TMEM200A: variants seen among roughly 807,000 people sequenced by gnomAD.
TMEM200A encodes two transmembrane C.
In TMEM200A, 12 loss-of-function variants were observed where a neutral mutation model predicts 24.3. That is an observed-to-expected ratio of 0.49 (90% confidence interval 0.32 to 0.80). The LOEUF is 0.80. Among genes scored for constraint, TMEM200A ranks in the 30% least tolerant of loss-of-function variants. The probability of loss-of-function intolerance (pLI) is 0.04; values close to 1 mark genes in which losing one functional copy is unlikely to be tolerated. For synonymous variants in TMEM200A, 224 were observed against 224.4 expected (o/e 1.00, Z 0.02); for missense variants, 545 against 614.4 (o/e 0.89, Z 1.19).
intron 2 of TMEM200A, among the ~76,000 whole-genome samples, chr6:130,429,121 A>G (rs1402589605): frequency 6.6e-6 from 1 of 152,198 alleles, no homozygotes; most frequent in East Asian, 1.9e-4. Flanking sequence ...TTATGTATAG[A>G]TTTAGCATGA....
intron 1 of TMEM200A, among the ~76,000 whole-genome samples, chr6:130,374,411 TG>T (rs1456428450): frequency 4.7e-5 from 7 of 150,110 alleles, no homozygotes; most frequent in African/African-American, 1.7e-4. Flanking sequence ...TTTTTGTTTT[TG>T]TTTTTGTTTT....
At chr6:130,422,204 C>T (rs912992287) in intron 2 of TMEM200A, among the ~76,000 whole-genome samples, 1 of 152,092 alleles carries the variant, frequency 6.6e-6, no homozygotes, top group African/African-American at 2.4e-5. Context: ...CATATCCTTG[C>T]CAGCACTTAT....
intron 2 of TMEM200A, among the ~76,000 whole-genome samples, chr6:130,436,661 T>TTTTTTTTTTTTTTTTTTTTTTTTTTG (rs1583233845): frequency 8.3e-6 from 1 of 120,718 alleles, no homozygotes; most frequent in Non-Finnish European, 1.6e-5. Flanking sequence ...TTTTTTTTTT[T>TTTTTTTTTTTTTTTTTTTTTTTTTTG]TCAGAGAGAC....
chr6:130,366,606 C>A lies in TMEM200A; in HGVS notation c.-81+82C>A, dbSNP rs1320184118. Reference sequence around the variant, plus strand: ...AGCCGAAACCGGGCACTTCTTCAGCCCTCTGCCCTCCCCTCCCCTCCGCTA... The same window carrying A: ...AGCCGAAACCGGGCACTTCTTCAGCACTCTGCCCTCCCCTCCCCTCCGCTA... On this transcript the variant is annotated intron_variant, in intron 1 of 2. Transcript: ENST00000296978. This position sits in a 1 kb window ranked among gnomAD's most constrained non-coding sequence, Gnocchi z 4.4. 54 of 976,184 alleles carry A rather than the reference C, an allele frequency of 5.5e-5. No individual in the cohort carries two copies. The highest frequency in any genetic ancestry group is 6.3e-5 in the Non-Finnish European group (52 of 821,516). The allele number at this position is 976,184 out of a possible 1,614,324, so 60.5% of individuals were successfully genotyped here. A position where few individuals can be genotyped will look rare whatever the true frequency, so the allele number is the denominator to read the frequency against.
At position 130,382,053 on chromosome 6, in the gene TMEM200A, A is replaced by G. The variant is rs1030609899; in HGVS notation, c.-80-3120A>G. The G allele has an allele frequency of 2.5e-5, 21 of 824,744 alleles. No homozygotes were observed. The Middle Eastern group carries it at 1.9e-3, about 74-fold the overall frequency. The allele number at this position is 824,744 out of a possible 1,614,324, so 51.1% of individuals were successfully genotyped here. A position where few individuals can be genotyped will look rare whatever the true frequency, so the allele number is the denominator to read the frequency against. On this transcript the variant is annotated intron_variant, in intron 1 of 2. Coordinates refer to ENST00000296978, the MANE Select transcript of TMEM200A (RefSeq NM_001258277.2). ...CTGGGCTACTTATGATTCAGTTGAG[A>G]TTTTTTTTGGAAAAAAGAATCCCAT...
At chr6:130,405,794 G>C (rs1233282196) in intron 2 of TMEM200A, among the ~76,000 whole-genome samples, 1 of 152,142 alleles carries the variant, frequency 6.6e-6, no homozygotes, top group African/African-American at 2.4e-5. Flanking sequence ...CAGGCTTCCT[G>C]ACCCACTGCT....
At chr6:130,394,758 A>G (rs1040367994) in intron 2 of TMEM200A, among the ~76,000 whole-genome samples, 1 of 152,202 alleles carries the variant, frequency 6.6e-6, no homozygotes, top group African/African-American at 2.4e-5. Context: ...GTTAGAAGCT[A>G]TCTCTCTGGA....
intron 2 of TMEM200A, chr6:130,439,592 A>G (rs1780103199): frequency 6.6e-6 from 1 of 152,252 alleles, no homozygotes; most frequent in African/African-American, 2.4e-5. Context: ...GGGACTCATT[A>G]GCATCAAGGA....
intron 2 of TMEM200A, among the ~76,000 whole-genome samples, chr6:130,424,176 T>C (rs993195619): frequency 1.3e-5 from 2 of 152,070 alleles, no homozygotes; most frequent in East Asian, 1.9e-4. Context: ...GTTAATTAAT[T>C]TGTGGCATTA....
At chr6:130,387,749 T>A (rs998937163) in intron 2 of TMEM200A, among the ~76,000 whole-genome samples, 1 of 152,200 alleles carries the variant, frequency 6.6e-6, no homozygotes, top group Non-Finnish European at 1.5e-5. Flanking sequence ...CTCTTAATTA[T>A]GTTTCCCCAA....
At position 130,366,286 on chromosome 6, in the gene TMEM200A, A is replaced by G. The variant is rs1469793892; in HGVS notation, c.-319A>G. On this transcript the variant is annotated 5_prime_UTR_variant, in exon 1 of 3. Coordinates refer to ENST00000296978, the MANE Select transcript of TMEM200A (RefSeq NM_001258277.2). This position sits in a 1 kb window ranked among gnomAD's most constrained non-coding sequence, Gnocchi z 4.4. ...GCGCCCCCACCCTCCGTCCGCTTGC[A>G]CCCCTTGCCACCCGCCCCCTCGCCT... is the stretch of plus-strand genomic sequence containing the variant. 7.2e-5 allele frequency: 70 copies of G among 965,844 alleles called. No individual in the cohort carries two copies. Among genetic ancestry groups the G allele is most frequent in the Non-Finnish European group, 8.5e-5 (70 of 822,874 alleles). 59.8% of individuals were successfully genotyped at this position (965,844 alleles called of 1,614,324 possible).
chr6:130,380,474 G>T (rs1388861067), intron 1 of TMEM200A, among the ~76,000 whole-genome samples: 1 of 152,334 alleles, frequency 6.6e-6, no homozygotes. Context: ...TGATTGAATA[G>T]CTAGCAGAAG....
At position 130,440,758 on chromosome 6, in the gene TMEM200A, G is replaced by A; in HGVS notation, c.336G>A (p.Val112=). 3 of 1,613,920 alleles carry A rather than the reference G, an allele frequency of 1.9e-6. No homozygotes were observed. Among genetic ancestry groups the A allele is most frequent in the South Asian group, 1.1e-5 (1 of 91,082 alleles). The part of the protein sequence containing the change: ...TQVIRNEGGV[V]VRFFEQHLHS... ...TCATTCGGAATGAAGGCGGTGTGGT[G>A]GTTCGCTTCTTTGAGCAGCATTTGC... Residue 112 remains valine, a synonymous_variant, in exon 3 of 3, where the codon GTG becomes GTA. Transcript: ENST00000296978.
intron 1 of TMEM200A, among the ~76,000 whole-genome samples, chr6:130,370,760 A>G (rs1778303052): frequency 6.6e-6 from 1 of 152,076 alleles, no homozygotes. Flanking sequence ...ATTCATATCT[A>G]TGTACTTCTA....
intron 1 of TMEM200A, chr6:130,383,007 C>G: frequency 4.1e-6 from 4 of 984,894 alleles, no homozygotes; most frequent in Non-Finnish European, 4.8e-6. Context: ...ACCCAAGGGG[C>G]TGTGTGAGTT....
intron 2 of TMEM200A, among the ~76,000 whole-genome samples, chr6:130,433,535 T>A (rs541791260): frequency 6.6e-6 from 1 of 152,196 alleles, no homozygotes; most frequent in South Asian, 2.1e-4. Context: ...GGTAAAGATA[T>A]AGATTAAAAA....
chr6:130,427,496 T>A lies in TMEM200A; in HGVS notation c.-16-12911T>A, dbSNP rs2115197970. 1.3e-5 allele frequency among the ~76,000 whole-genome samples: 2 copies of A among 151,902 alleles called. 1 individual carries two copies. The highest frequency in any genetic ancestry group is 4.2e-4 in the South Asian group (2 of 4,816). ...CATTACTATCGTGCTGCAGTGAACA[T>A]CCTTATACATAGTTTCATGTATTCT... On this transcript the variant is annotated intron_variant, in intron 2 of 2. Coordinates refer to ENST00000296978, the MANE Select transcript of TMEM200A (RefSeq NM_001258277.2).
intron 2 of TMEM200A, among the ~76,000 whole-genome samples, chr6:130,431,925 A>G (rs1418344074): frequency 1.3e-5 from 2 of 152,194 alleles, no homozygotes; most frequent in Non-Finnish European, 2.9e-5. Context: ...AATGACTTGA[A>G]TATCATTTTG....
chr6:130,435,005 G>A lies in TMEM200A; in HGVS notation c.-16-5402G>A, dbSNP rs942598929. The stretch of plus-strand genomic sequence containing the variant: ...TTGTGAATTTCAAGCTGGTAATCTT[G>A]ATGTCTATTGCTTAGCAAAATTGTG... On this transcript the variant is annotated intron_variant, in intron 2 of 2. Transcript: ENST00000296978. 2.0e-4 allele frequency among the ~76,000 whole-genome samples: 31 copies of A among 151,398 alleles called. 1 individual carries two copies. Among genetic ancestry groups the A allele is most frequent in the African/African-American group, 6.8e-4 (28 of 41,254 alleles).
Sources: gnomAD v4.1 joint callset for allele counts (sites outside exome capture counted in the v4.1 genomes callset) on GRCh38, gnomAD v4.1.1 for gene constraint, Gnocchi (gnomAD v3.1) non-coding constraint, MANE v1.5 for transcripts, NCBI Gene and HGNC (gene_info 2026-07-23, HGNC 2026-07-21) for gene names.